Variants in GABBR2 observed in about 807,000 individuals in gnomAD.
GABBR2 encodes the protein G-protein coupled receptor 51.
In GABBR2, 23 loss-of-function variants were observed where a neutral mutation model predicts 105.6. The ratio of observed to expected loss-of-function variants is 0.22; its 90% CI spans 0.16 to 0.31. The LOEUF is 0.31. Among genes scored for constraint, GABBR2 ranks in the 10% least tolerant of loss-of-function variants. GABBR2 has a pLI of 1.00. For synonymous variants in GABBR2, 478 were observed against 499.7 expected, an observed-to-expected ratio of 0.96 and a Z score of 0.58; for missense variants, 734 against 1,245.5, an observed-to-expected ratio of 0.59 and a Z score of 6.18.
At chr9:98,309,008 T>C (rs926060850) in intron 14 of GABBR2, among the ~76,000 whole-genome samples, 2 of 152,128 alleles carry the variant, frequency 1.3e-5, no homozygotes, top group Non-Finnish European at 2.9e-5. Context: ...CATCTGGCAG[T>C]GGGGTGGACC....
rs1406608416 is a variant in GABBR2 at position 98,362,912 on chromosome 9, A to G, written c.1771-75T>C. 7.2e-5 allele frequency: 96 copies of G among 1,332,356 alleles called. 1 individual carries two copies. The highest frequency in any genetic ancestry group is 8.9e-5 in the Non-Finnish European group (89 of 1,000,712). The allele number at this position is 1,332,356 out of a possible 1,614,324, so 82.5% of individuals were successfully genotyped here. A position where few individuals can be genotyped will look rare whatever the true frequency, so the allele number is the denominator to read the frequency against. On this transcript the variant is annotated intron_variant, in intron 12 of 18. Coordinates refer to ENST00000259455, the MANE Select transcript of GABBR2 (RefSeq NM_005458.8). ...CACGCAGCAACTGGGGGCCCAGGTC[A>G]TAGGGGGAACCTGCATCATGAACCC...
At chr9:98,340,894 A>C (rs1240330729) in intron 13 of GABBR2, among the ~76,000 whole-genome samples, 2 of 152,274 alleles carry the variant, frequency 1.3e-5, no homozygotes, top group Admixed American at 6.5e-5. Flanking sequence ...TGGCTTTAAC[A>C]AGACAAATAC....
At chr9:98,328,019 G>A (rs1473384383) in intron 13 of GABBR2, among the ~76,000 whole-genome samples, 1 of 89,396 alleles carries the variant, frequency 1.1e-5, no homozygotes, top group African/African-American at 3.9e-5. Context: ...TTTTATTTTG[G>A]GACAGCTAAT....
At chr9:98,605,310 G>A (rs1268075430) in intron 1 of GABBR2, among the ~76,000 whole-genome samples, 4 of 152,194 alleles carry the variant, frequency 2.6e-5, no homozygotes, top group Non-Finnish European at 5.9e-5. Context: ...ATGAACACGG[G>A]GATTTTCAGA....
intron 13 of GABBR2, among the ~76,000 whole-genome samples, chr9:98,340,793 G>T (rs1367662082): frequency 6.6e-6 from 1 of 152,244 alleles, no homozygotes; most frequent in Non-Finnish European, 1.5e-5. Flanking sequence ...TCTTCATGGG[G>T]ACTGCAGCCT....
intron 1 of GABBR2, among the ~76,000 whole-genome samples, chr9:98,649,165 T>G (rs1254891606): frequency 6.6e-6 from 1 of 152,206 alleles, no homozygotes; most frequent in Non-Finnish European, 1.5e-5. Flanking sequence ...GTGAATTTGA[T>G]TTAAATCTAA....
rs1208296420 is a variant in GABBR2, at chr9:98,362,841, C to T, written c.1771-4G>A. The T allele has an allele frequency of 1.9e-6, 3 of 1,574,306 alleles. No homozygotes were observed. The highest frequency in any genetic ancestry group is 3.7e-5 in the Admixed American group (2 of 54,418). Reference sequence around the variant, plus strand: ...GCAGTTTCTGGTCCTTGATGATCTACAGAGCGGGAAGGAGCAGAGGGGAGC... The same window carrying T: ...GCAGTTTCTGGTCCTTGATGATCTATAGAGCGGGAAGGAGCAGAGGGGAGC... On this transcript the variant is annotated splice_region_variant and splice_polypyrimidine_tract_variant and intron_variant, in intron 12 of 18. Transcript: ENST00000259455.
At chr9:98,544,573 C>T (rs982813640) in intron 2 of GABBR2, among the ~76,000 whole-genome samples, 7 of 152,134 alleles carry the variant, frequency 4.6e-5, no homozygotes, top group Middle Eastern at 3.2e-3. Flanking sequence ...GAGGAACATT[C>T]ACATCAGAGT....
intron 1 of GABBR2, among the ~76,000 whole-genome samples, chr9:98,665,183 C>T (rs182257781): frequency 1.1e-4 from 16 of 152,224 alleles, no homozygotes; most frequent in Admixed American, 9.2e-4. Context: ...ATAGGAGGAT[C>T]GCCTGAGCCT....
At chr9:98,594,969 A>T (rs1829211374) in intron 1 of GABBR2, among the ~76,000 whole-genome samples, 1 of 152,216 alleles carries the variant, frequency 6.6e-6, no homozygotes, top group Non-Finnish European at 1.5e-5. Context: ...AACAGGTCAG[A>T]GCCCGGTTCT....
chr9:98,462,744 C>G (rs951776962), intron 6 of GABBR2, among the ~76,000 whole-genome samples: 1 of 152,188 alleles, frequency 6.6e-6, no homozygotes. Flanking sequence ...AGCTGTTTGT[C>G]ACAGAGTCTA....
chr9:98,438,960 G>A (rs970081672), intron 7 of GABBR2, among the ~76,000 whole-genome samples: 1 of 151,848 alleles, frequency 6.6e-6, no homozygotes, highest in African/African-American at 2.4e-5. Flanking sequence ...GCTTTTAAGG[G>A]GATGACCACA....
intron 2 of GABBR2, among the ~76,000 whole-genome samples, chr9:98,555,272 G>A (rs1828565245): frequency 6.6e-6 from 1 of 152,212 alleles, no homozygotes; most frequent in South Asian, 2.1e-4. Flanking sequence ...TTTTACAGAT[G>A]AGAAGCCTCA....
intron 1 of GABBR2, among the ~76,000 whole-genome samples, chr9:98,602,401 G>T (rs1170666167): frequency 6.7e-6 from 1 of 150,288 alleles, no homozygotes; most frequent in Non-Finnish European, 1.5e-5. Context: ...GAACCCGGGA[G>T]GCAGAGGGTG....
chr9:98,414,575 GTATTA>G (rs1182439990), intron 7 of GABBR2, among the ~76,000 whole-genome samples: 1 of 152,180 alleles, frequency 6.6e-6, no homozygotes, highest in Non-Finnish European at 1.5e-5. Context: ...ATAGACTTAA[GTATTA>G]TATTATAAAA....
chr9:98,630,086 C>T (rs764386384), intron 1 of GABBR2, among the ~76,000 whole-genome samples: 1 of 152,156 alleles, frequency 6.6e-6, no homozygotes, highest in Non-Finnish European at 1.5e-5. Flanking sequence ...ATGGGCTTCT[C>T]ATTGTGAGCC....
At chr9:98,531,982 C>T (rs1433912271) in intron 3 of GABBR2, among the ~76,000 whole-genome samples, 3 of 152,192 alleles carry the variant, frequency 2.0e-5, no homozygotes, top group Admixed American at 2.0e-4. Context: ...CTGTGCACCA[C>T]CCGTGTAAGC....
Position 98,293,815 on chromosome 9 carries a change from T to C in GABBR2, c.2630A>G (p.Asp877Gly). The C allele has an allele frequency of 6.2e-7, 1 of 1,602,236 alleles. No individual in the cohort carries two copies. Among genetic ancestry groups the C allele is most frequent in the Non-Finnish European group, 8.5e-7 (1 of 1,169,614 alleles). ...TGGAGAGTTTATATCTTCTATAGGA[T>C]CTTTGCATGTTCGAGAGGGCTCTGT... ...NTTEPSRTCK[D>G]PIEDINSPEH... The change falls in exon 18 of 19, where the codon GAT becomes GGT. Residue 877 changes from aspartate (D) to glycine (G), a missense_variant. Asp to Gly is a moderately conservative substitution (Grantham distance 94). This residue lies in a region of GABBR2 where 134 missense variants were observed against 171.2 expected (regional missense o/e 0.78). Transcript: ENST00000259455.
intron 1 of GABBR2, among the ~76,000 whole-genome samples, chr9:98,696,096 G>T (rs7866320): frequency 4.6e-5 from 7 of 152,246 alleles, no homozygotes; most frequent in African/African-American, 1.7e-4. Flanking sequence ...ACTTGCGGCT[G>T]TGATAAGCAG....
Sources: gnomAD v4.1 joint callset for allele counts (sites outside exome capture counted in the v4.1 genomes callset) on GRCh38, gnomAD v4.1.1 for gene constraint, gnomAD v4.1.1 regional missense constraint, MANE v1.5 for transcripts, NCBI Gene and HGNC (gene_info 2026-07-23, HGNC 2026-07-21) for gene names.